The following PCDHA7 variants were observed in gnomAD, a reference collection of about 807,000 sequenced individuals.
PCDHA7 encodes protocadherin alpha-7.
Under a neutral mutation model 57.2 loss-of-function variants are expected in PCDHA7, and 37 were observed. The ratio of observed to expected loss-of-function variants is 0.65; its 90% CI spans 0.50 to 0.85. The LOEUF is 0.85. PCDHA7 is among the 40% of genes least tolerant of loss of function. PCDHA7 has a pLI of 0.00. For synonymous variants in PCDHA7, 553 were observed against 558.8 expected (o/e 0.99, Z 0.15); for missense variants, 1,188 against 1,241.8 (o/e 0.96, Z 0.65).
chr5:140,948,705 T>C (rs1585306851), intron 1 of PCDHA7, among the ~76,000 whole-genome samples: 1 of 151,580 alleles, frequency 6.6e-6, no homozygotes, highest in African/African-American at 2.4e-5. Context: ...ATTTGTGTTC[T>C]ATCCTCTTTT....
At chr5:140,857,399 G>C (rs375062704) in intron 1 of PCDHA7, 4 of 1,598,394 alleles carry the variant, frequency 2.5e-6, no homozygotes, top group Admixed American at 3.4e-5. Flanking sequence ...GAACGACAAC[G>C]CGCCTGCGTT....
intron 1 of PCDHA7, chr5:140,850,292 C>A: frequency 6.3e-7 from 1 of 1,596,038 alleles, no homozygotes; most frequent in Non-Finnish European, 8.6e-7. Flanking sequence ...CAGTGGACGC[C>A]GACTCGGGCT....
At chr5:140,893,050 A>G (rs967159859) in intron 1 of PCDHA7, among the ~76,000 whole-genome samples, 1 of 152,248 alleles carries the variant, frequency 6.6e-6, no homozygotes, top group Non-Finnish European at 1.5e-5. Context: ...CTCCAGGCTC[A>G]GCCATACTGC....
At chr5:140,996,929 C>T (rs1437008519) in intron 3 of PCDHA7, among the ~76,000 whole-genome samples, 2 of 152,070 alleles carry the variant, frequency 1.3e-5, no homozygotes, top group African/African-American at 2.4e-5. Flanking sequence ...AAAAATATAG[C>T]ATTTTTGCAT....
chr5:140,926,912 C>A, intron 1 of PCDHA7: 1 of 1,561,732 alleles, frequency 6.4e-7, no homozygotes. Context: ...TGTGGGGTGG[C>A]AGTTTTATGT....
intron 1 of PCDHA7, chr5:140,966,939 TG>T: frequency 1.2e-6 from 2 of 1,604,434 alleles, no homozygotes; most frequent in Non-Finnish European, 1.7e-6. Flanking sequence ...GGCGCGCTCG[TG>T]GGCAACGTGG....
In PCDHA7 at chr5:140,853,448, G is replaced by A; in HGVS notation, c.2355+16710G>A. ...AGACACTTTCCTATTTTGCCTAATA[G>A]GTCTCCTTATATGCATCTGTAGTTA... On this transcript the variant is annotated intron_variant, in intron 1 of 3. Transcript: ENST00000525929. 2.0e-6 allele frequency: 2 copies of A among 980,734 alleles called. 1 individual carries two copies. Among genetic ancestry groups the A allele is most frequent in the South Asian group, 9.5e-5 (2 of 21,032 alleles). 60.8% of individuals were successfully genotyped at this position (980,734 alleles called of 1,614,324 possible).
rs1256461262 is a variant in PCDHA7, at chr5:140,982,640, A to T, written c.2503+77A>T. On this transcript the variant is annotated intron_variant, in intron 3 of 3. Transcript: ENST00000525929. ...ATGACCTACTTTTGTAAGATCAGGA[A>T]TGTTGATGGCTCTTTTTCTTTTATA... 3 of 1,544,442 alleles carry T rather than the reference A, an allele frequency of 1.9e-6. No individual in the cohort carries two copies. The African/African-American group carries it at 4.2e-5, about 21-fold the overall frequency.
intron 1 of PCDHA7, chr5:140,868,939 G>T (rs2050745278): frequency 1.6e-6 from 2 of 1,242,994 alleles, no homozygotes; most frequent in African/African-American, 1.5e-5. Context: ...AGGTTGGTCT[G>T]AACAGTGAGG....
rs1279359347 is a variant in PCDHA7 at position 141,012,130 on chromosome 5, C to T, written c.*2193C>T. ...ACTGAAGCCCATGTATCTGACCTTA[C>T]GTGCCTTTTGAACTAGGAGAATCGG... On this transcript the variant is annotated 3_prime_UTR_variant, in exon 4 of 4. Coordinates refer to ENST00000525929, the MANE Select transcript of PCDHA7 (RefSeq NM_018910.3). The T allele has an allele frequency of 2.0e-5, 3 of 153,796 alleles. No individual in the cohort carries two copies. The highest frequency in any genetic ancestry group is 1.9e-4 in the East Asian group (1 of 5,172). 9.5% of individuals were successfully genotyped at this position (153,796 alleles called of 1,614,324 possible). A position where few individuals can be genotyped will look rare whatever the true frequency, so the allele number is the denominator to read the frequency against.
chr5:140,906,238 C>T (rs1309828775), intron 1 of PCDHA7, among the ~76,000 whole-genome samples: 2 of 152,186 alleles, frequency 1.3e-5, no homozygotes, highest in Non-Finnish European at 2.9e-5. Flanking sequence ...CCCTTGTCAA[C>T]TTGAACCCAT....
chr5:140,891,920 C>G (rs1396526194), intron 1 of PCDHA7, among the ~76,000 whole-genome samples: 10 of 152,206 alleles, frequency 6.6e-5, no homozygotes, highest in Non-Finnish European at 8.8e-5. Flanking sequence ...GATGCTGGTG[C>G]CTTGATCTTG....
intron 1 of PCDHA7, among the ~76,000 whole-genome samples, chr5:140,953,564 G>C (rs2094904127): frequency 6.6e-6 from 1 of 152,058 alleles, no homozygotes; most frequent in Non-Finnish European, 1.5e-5. Context: ...AAGTTTTAGT[G>C]CCCTCCTCTC....
chr5:140,933,379 G>T (rs1403607512), intron 1 of PCDHA7, among the ~76,000 whole-genome samples: 1 of 151,928 alleles, frequency 6.6e-6, no homozygotes, highest in Non-Finnish European at 1.5e-5. Flanking sequence ...TTCCTTGGCT[G>T]TTCCTAGAGC....
intron 1 of PCDHA7, among the ~76,000 whole-genome samples, chr5:140,878,256 C>G (rs2057518420): frequency 6.6e-6 from 1 of 152,160 alleles, no homozygotes; most frequent in Admixed American, 6.5e-5. Flanking sequence ...TCCTCACGTG[C>G]TTAGGCTTTT....
intron 1 of PCDHA7, chr5:140,967,438 C>T: frequency 6.2e-7 from 1 of 1,613,548 alleles, no homozygotes; most frequent in South Asian, 1.1e-5. Flanking sequence ...CCTTGCACCA[C>T]CTGGTTCTCA....
chr5:140,888,647 T>C (rs781796685), intron 1 of PCDHA7, among the ~76,000 whole-genome samples: 2 of 152,244 alleles, frequency 1.3e-5, no homozygotes, highest in African/African-American at 2.4e-5. Context: ...AATACTTTCC[T>C]GAGGACACCA....
intron 1 of PCDHA7, chr5:140,871,382 A>G (rs781900960): frequency 1.2e-6 from 2 of 1,614,188 alleles, no homozygotes; most frequent in South Asian, 2.2e-5. Flanking sequence ...GTGTGCTCTG[A>G]GGAGGGCCCA....
intron 1 of PCDHA7, among the ~76,000 whole-genome samples, chr5:140,952,125 A>G (rs1027710629): frequency 6.6e-6 from 1 of 152,092 alleles, no homozygotes; most frequent in African/African-American, 2.4e-5. Context: ...TGGGCTCCCA[A>G]GGCCTTGGGA....
Sources: gnomAD v4.1 joint callset for allele counts (sites outside exome capture counted in the v4.1 genomes callset) on GRCh38, gnomAD v4.1.1 for gene constraint, MANE v1.5 for transcripts, NCBI Gene and HGNC (gene_info 2026-07-23, HGNC 2026-07-21) for gene names.